The following ZNF676 variants were observed in gnomAD, a reference collection of about 807,000 sequenced individuals.
ZNF676 encodes the protein zinc finger protein 676.
A neutral mutation model predicts 6.0 loss-of-function variants in ZNF676; 4 were observed. The observed-to-expected ratio is 0.67, with a 90% confidence interval of 0.33 to 1.53. ZNF676 has a LOEUF of 1.53. Ranked by LOEUF, ZNF676 falls within the 40% of genes most tolerant of loss-of-function variation. The pLI is 0.06. For missense variants in ZNF676, 644 were observed against 679.7 expected, an observed-to-expected ratio of 0.95 and a Z score of 0.58; for synonymous variants, 198 against 223.1, an observed-to-expected ratio of 0.89 and a Z score of 1.00.
the ZNF676 span, among the ~76,000 whole-genome samples, chr19:22,251,051 G>A: frequency 4.9e-4 from 75 of 152,278 alleles, no homozygotes; most frequent in African/African-American, 1.6e-3. Context: ...GCCTGAAGTT[G>A]TCTTGGGACC....
Position 22,179,602 on chromosome 19 carries a change from G to C in ZNF676, c.*348C>G. ...GAGAACTAATGAAAAGCTTTGCCAC[G>C]TTTTTCACATTTGTAGGGCTTTTCC... On this transcript the variant is annotated 3_prime_UTR_variant, in exon 3 of 3. Transcript: ENST00000397121. 2.3e-6 allele frequency: 1 copy of C among 437,176 alleles called. No homozygotes were observed. 27.1% of individuals were successfully genotyped at this position (437,176 alleles called of 1,614,324 possible). A position where few individuals can be genotyped will look rare whatever the true frequency, so the allele number is the denominator to read the frequency against.
chr19:22,181,833 T>G lies in ZNF676; in HGVS notation c.131-247A>C, dbSNP rs762184061. Among the ~76,000 whole-genome samples, 10 of 152,090 alleles carry G rather than the reference T, an allele frequency of 6.6e-5. No homozygotes were observed. The highest frequency in any genetic ancestry group is 1.3e-4 in the Non-Finnish European group (9 of 68,006). Reference sequence around the variant, plus strand: ...ATTAAGCCCAATGCAAAGAGCCACATAGAAAACAAGAAAAGTTTGTTAAAT... The same window carrying G: ...ATTAAGCCCAATGCAAAGAGCCACAGAGAAAACAAGAAAAGTTTGTTAAAT... On this transcript the variant is annotated intron_variant, in intron 2 of 2. Coordinates refer to ENST00000397121, the MANE Select transcript of ZNF676 (RefSeq NM_001001411.3).
intron 1 of ZNF676, chr19:22,215,534 G>T: frequency 1.4e-6 from 2 of 1,409,228 alleles, no homozygotes; most frequent in African/African-American, 2.8e-5. Flanking sequence ...AACTTGTGGA[G>T]CTGACTGCGG....
intron 2 of ZNF676, among the ~76,000 whole-genome samples, chr19:22,183,148 A>G (rs998238197): frequency 6.6e-6 from 1 of 152,156 alleles, no homozygotes; most frequent in Non-Finnish European, 1.5e-5. Flanking sequence ...CAAAAGAAAA[A>G]TAAGAAAATG....
At chr19:22,195,349 C>T (rs1275444263) in intron 1 of ZNF676, among the ~76,000 whole-genome samples, 1 of 152,176 alleles carries the variant, frequency 6.6e-6, no homozygotes, top group Non-Finnish European at 1.5e-5. Context: ...TTTTGGGTCG[C>T]ATCCCTGGGC....
At chr19:22,192,873 G>C (rs1285463292) in intron 2 of ZNF676, 143 bp downstream of exon 2, 1 of 893,956 alleles carries the variant, frequency 1.1e-6, no homozygotes, top group Non-Finnish European at 1.6e-6. Flanking sequence ...CCCTGTGTGA[G>C]AGAAAATTAA....
At position 22,184,740 on chromosome 19, in the gene ZNF676, CAGA is replaced by C. The variant is rs370073955; in HGVS notation, c.131-3157_131-3155del. On this transcript the variant is annotated intron_variant, in intron 2 of 2. Transcript: ENST00000397121. ...GGCAGCTTTACCCTATAAAGCCACCCAGAAGATTGAACTGGGTGGAGCCCACCG... is the reference window on the plus strand; with the variant it reads ...GGCAGCTTTACCCTATAAAGCCACCCAGATTGAACTGGGTGGAGCCCACCG... Among the ~76,000 whole-genome samples the C allele has an allele frequency of 2.6e-3, 384 of 146,686 alleles. 1 individual carries two copies. The highest frequency in any genetic ancestry group is 8.7e-3 in the African/African-American group (345 of 39,470).
intron 1 of ZNF676, among the ~76,000 whole-genome samples, chr19:22,206,090 C>A (rs1043492885): frequency 2.3e-5 from 3 of 132,250 alleles, no homozygotes; most frequent in Non-Finnish European, 4.9e-5. Flanking sequence ...CACACACACA[C>A]AAAATCAAAG....
At chr19:22,184,897 C>A (rs1845417681) in intron 2 of ZNF676, among the ~76,000 whole-genome samples, 1 of 150,538 alleles carries the variant, frequency 6.6e-6, no homozygotes, top group Admixed American at 6.6e-5. Flanking sequence ...CACCCATCTC[C>A]CTGGGACAGA....
the ZNF676 span, among the ~76,000 whole-genome samples, chr19:22,230,820 G>A: frequency 0.41 from 62,305 of 151,272 alleles, 13,706 homozygotes; most frequent in African/African-American, 0.57. Flanking sequence ...CACCACACCC[G>A]GCTAATTTTT....
the ZNF676 span, among the ~76,000 whole-genome samples, chr19:22,242,774 G>T: frequency 1.3e-5 from 2 of 151,664 alleles, no homozygotes; most frequent in African/African-American, 2.4e-5. Context: ...TCTGTGTAAG[G>T]CTCAGGAATA....
the ZNF676 span, among the ~76,000 whole-genome samples, chr19:22,226,003 A>G: frequency 2.7e-3 from 408 of 152,182 alleles, 3 homozygotes; most frequent in African/African-American, 9.5e-3. Flanking sequence ...ATCTAAGAAA[A>G]TGATTCCAAG....
the ZNF676 span, among the ~76,000 whole-genome samples, chr19:22,239,771 G>C: frequency 6.6e-6 from 1 of 152,126 alleles, no homozygotes; most frequent in African/African-American, 2.4e-5. Context: ...CATGTCTCCT[G>C]CAACAGAGAA....
At chr19:22,221,915 TTTTG>T in the ZNF676 span, among the ~76,000 whole-genome samples, 29 of 152,262 alleles carry the variant, frequency 1.9e-4, no homozygotes, top group African/African-American at 4.6e-4. Context: ...GACCATTGTT[TTTTG>T]TTTGTTTGTT....
At chr19:22,233,909 A>G in the ZNF676 span, among the ~76,000 whole-genome samples, 11 of 152,244 alleles carry the variant, frequency 7.2e-5, no homozygotes, top group African/African-American at 2.7e-4. Context: ...CATGGGATAC[A>G]AATATCTTCA....
intron 1 of ZNF676, among the ~76,000 whole-genome samples, chr19:22,196,196 T>G (rs2023964987): frequency 6.6e-6 from 1 of 152,060 alleles, no homozygotes; most frequent in African/African-American, 2.4e-5. Context: ...CAGCAAACTG[T>G]TTATCATGAG....
chr19:22,233,628 T>C, the ZNF676 span, among the ~76,000 whole-genome samples: 2 of 152,274 alleles, frequency 1.3e-5, no homozygotes, highest in Non-Finnish European at 2.9e-5. Flanking sequence ...GTTCCCTGTC[T>C]GTGGTACTGC....
the ZNF676 span, among the ~76,000 whole-genome samples, chr19:22,233,911 A>G: frequency 1.1e-4 from 17 of 152,204 alleles, no homozygotes; most frequent in Non-Finnish European, 1.8e-4. Context: ...TGGGATACAA[A>G]TATCTTCACA....
Position 22,180,588 on chromosome 19 carries a change from C to T in ZNF676, c.1129G>A (p.Val377Ile), listed in dbSNP as rs1311610255. ...CEGCGKAFSK[V>I]STLNTHKAIH... ...GCCTTATGTGTATTAAGGGTTGAGA[C>T]CTTACTAAAGGCTTTGCCACATCCT... The change falls in exon 3 of 3, where the codon GTC (valine) becomes ATC (isoleucine). Residue 377 changes from valine (V) to isoleucine (I), a missense_variant. Transcript: ENST00000397121. The T allele has an allele frequency of 5.6e-6, 9 of 1,599,000 alleles. No individual in the cohort carries two copies. In the South Asian group the frequency reaches 6.6e-5, roughly 12 times the overall value.
Sources: allele counts gnomAD v4.1 joint callset (sites outside exome capture counted in the v4.1 genomes callset), GRCh38; gene constraint gnomAD v4.1.1; transcripts MANE v1.5; gene names NCBI Gene and HGNC (gene_info 2026-07-23, HGNC 2026-07-21).